Variants in FGF13 observed in about 807,000 individuals in gnomAD.
FGF13 encodes fibroblast growth factor homologous factor 2.
Under a neutral mutation model 19.5 loss-of-function variants are expected in FGF13, and 2 were observed. That is an observed-to-expected ratio of 0.10 (90% confidence interval 0.04 to 0.32). The LOEUF (loss-of-function observed/expected upper bound fraction) is 0.32, where lower values mean the gene tolerates loss of function less well. FGF13 is among the 10% of genes least tolerant of loss of function. The probability of loss-of-function intolerance (pLI) is 1.00; values close to 1 mark genes in which losing one functional copy is unlikely to be tolerated. For missense variants in FGF13, 113 were observed against 192.7 expected (o/e 0.59, Z 2.45); for synonymous variants, 72 against 76.9 (o/e 0.94, Z 0.33).
chrX:139,066,564 G>T (rs1183054665), intron 1 of FGF13, among the ~76,000 whole-genome samples: 1 of 111,141 alleles, frequency 9.0e-6, no homozygotes, highest in Non-Finnish European at 1.9e-5. Flanking sequence ...TAGAAGAAAT[G>T]GATAAATTCC....
intron 1 of FGF13, among the ~76,000 whole-genome samples, chrX:139,201,785 A>C (rs371847778): frequency 2.0e-4 from 22 of 112,407 alleles, no homozygotes; most frequent in African/African-American, 6.8e-4. Flanking sequence ...CATATACTTG[A>C]AAGAAGAAAA....
intron 3 of FGF13, among the ~76,000 whole-genome samples, chrX:138,768,542 T>C (rs1218557386): frequency 1.8e-5 from 2 of 109,384 alleles, no homozygotes; most frequent in Non-Finnish European, 3.8e-5. Flanking sequence ...CTTTTGTATG[T>C]ATGTTATATT....
intron 3 of FGF13, among the ~76,000 whole-genome samples, chrX:138,702,333 T>G (rs902103557): frequency 7.1e-5 from 8 of 111,996 alleles, no homozygotes; most frequent in African/African-American, 2.6e-4. Context: ...TGTTAACTTT[T>G]TTTAAAGTTT....
At chrX:138,684,370 A>G (rs1023047384) in intron 3 of FGF13, among the ~76,000 whole-genome samples, 2 of 111,531 alleles carry the variant, frequency 1.8e-5, no homozygotes, top group African/African-American at 6.5e-5. Context: ...CTTCCTTACT[A>G]AAGTGTATCA....
At chrX:139,003,677 G>T (rs1185193384) in intron 1 of FGF13, among the ~76,000 whole-genome samples, 1 of 110,926 alleles carries the variant, frequency 9.0e-6, no homozygotes, top group East Asian at 2.9e-4. Flanking sequence ...TAGATACAGA[G>T]TGTCGATTGG....
intron 3 of FGF13, among the ~76,000 whole-genome samples, chrX:138,815,527 A>G (rs1430495734): frequency 1.8e-5 from 2 of 110,894 alleles, no homozygotes; most frequent in Non-Finnish European, 3.8e-5. Flanking sequence ...TGACACATCA[A>G]TAGAGCCCAG....
intron 1 of FGF13, among the ~76,000 whole-genome samples, chrX:138,884,201 C>A (rs1442313216): frequency 8.9e-6 from 1 of 112,101 alleles, no homozygotes; most frequent in African/African-American, 3.2e-5. Flanking sequence ...GTATATTATA[C>A]AATATGAGTT....
chrX:139,149,688 T>C (rs1346482801), intron 1 of FGF13, among the ~76,000 whole-genome samples: 2 of 112,153 alleles, frequency 1.8e-5, no homozygotes, highest in South Asian at 3.7e-4. Flanking sequence ...TAGATCCCCA[T>C]AGGTTACTTT....
chrX:138,710,000 C>G (rs1248039028), intron 1 of FGF13, among the ~76,000 whole-genome samples: 1 of 110,860 alleles, frequency 9.0e-6, no homozygotes, highest in Non-Finnish European at 1.9e-5. Flanking sequence ...GTAAAAGATT[C>G]ATTTGGTTAA....
chrX:139,057,065 C>T (rs1346287722), intron 1 of FGF13, among the ~76,000 whole-genome samples: 1 of 111,581 alleles, frequency 9.0e-6, no homozygotes, highest in Non-Finnish European at 1.9e-5. Context: ...TCAACTGTCT[C>T]ATCTATAAAA....
chrX:139,203,914 C>T (rs1353355226), upstream of FGF13: 2 of 566,071 alleles, frequency 3.5e-6, no homozygotes, highest in East Asian at 7.0e-5. Context: ...CGACCTCTGC[C>T]CCCCCTTTTC....
chrX:138,761,793 T>G (rs1311401804), intron 3 of FGF13, among the ~76,000 whole-genome samples: 1 of 111,520 alleles, frequency 9.0e-6, no homozygotes, highest in Non-Finnish European at 1.9e-5. Context: ...ATACCTTGAC[T>G]TTCCTGACTC....
chrX:138,643,834 T>C (rs1444959234), intron 3 of FGF13, among the ~76,000 whole-genome samples: 1 of 111,570 alleles, frequency 9.0e-6, no homozygotes, highest in African/African-American at 3.3e-5. Flanking sequence ...TGTTGATCTA[T>C]GTGTTTTGAA....
At chrX:138,878,282 C>T (rs2091402620) in intron 1 of FGF13, among the ~76,000 whole-genome samples, 1 of 96,153 alleles carries the variant, frequency 1.0e-5, no homozygotes, top group African/African-American at 3.8e-5. Context: ...GGTATATCTC[C>T]TAATGCTATC....
rs189061374 is a variant in FGF13, at chrX:139,182,468, G to A, written c.-113+20948C>T. 8.0e-5 allele frequency among the ~76,000 whole-genome samples: 9 copies of A among 112,019 alleles called. No homozygotes were observed. The South Asian group carries it at 1.1e-3, about 14-fold the overall frequency. On this transcript the variant is annotated intron_variant, in intron 1 of 2. Coordinates refer to the FGF13 transcript ENST00000421460. ...ATAAGGTGGCTTCTTCTGAAATTGC[G>A]TATTGTTCTAGTTCATATAGTATTA...
chrX:139,069,224 C>A (rs1486454530), intron 1 of FGF13, among the ~76,000 whole-genome samples: 4 of 81,634 alleles, frequency 4.9e-5, no homozygotes, highest in Admixed American at 4.5e-4. Flanking sequence ...AAATGTCCAA[C>A]AATGATAGAC....
intron 1 of FGF13, among the ~76,000 whole-genome samples, chrX:139,004,903 A>G (rs1480979411): frequency 1.8e-5 from 2 of 112,059 alleles, no homozygotes; most frequent in Admixed American, 1.9e-4. Flanking sequence ...GCTGCAGTAC[A>G]ACAGAACACC....
chrX:139,072,761 T>C (rs1300224140), intron 1 of FGF13, among the ~76,000 whole-genome samples: 1 of 111,840 alleles, frequency 8.9e-6, no homozygotes, highest in Admixed American at 9.5e-5. Flanking sequence ...TCCAAGTCTT[T>C]CTTCAATTCT....
At chrX:138,835,067 T>C (rs1247706152) in intron 3 of FGF13, among the ~76,000 whole-genome samples, 1 of 112,000 alleles carries the variant, frequency 8.9e-6, no homozygotes, top group African/African-American at 3.2e-5. Context: ...GAGGAGTGTT[T>C]CACTTCTGAT....
Sources: gnomAD v4.1 joint callset for allele counts (sites outside exome capture counted in the v4.1 genomes callset) on GRCh38, gnomAD v4.1.1 for gene constraint, MANE v1.5 for transcripts, NCBI Gene and HGNC (gene_info 2026-07-23, HGNC 2026-07-21) for gene names.